The following HADH variants were observed in gnomAD, a reference collection of about 807,000 sequenced individuals.
HADH encodes hydroxyacyl-CoA dehydrogenase, also known as hydroxyacyl-coenzyme A dehydrogenase, mitochondrial.
Under a neutral mutation model 32.2 loss-of-function variants are expected in HADH, and 24 were observed. The ratio of observed to expected loss-of-function variants is 0.75; its 90% CI spans 0.54 to 1.05. HADH has a LOEUF of 1.05. HADH is among the 50% of genes least tolerant of loss of function. The probability of loss-of-function intolerance (pLI) is 0.00; values close to 1 mark genes in which losing one functional copy is unlikely to be tolerated. For missense variants in HADH, 350 were observed against 397.1 expected, an observed-to-expected ratio of 0.88 and a Z score of 1.01; for synonymous variants, 139 against 152.5, an observed-to-expected ratio of 0.91 and a Z score of 0.65.
At chr4:108,006,607 G>C (rs971723408) in intron 1 of HADH, among the ~76,000 whole-genome samples, 3 of 152,188 alleles carry the variant, frequency 2.0e-5, no homozygotes, top group Non-Finnish European at 4.4e-5. Context: ...CCTACCCAGA[G>C]TTTGATTCAT....
At position 108,009,700 on chromosome 4, in the gene HADH, T is replaced by C. The variant is rs982473715; in HGVS notation, c.133-59T>C. On this transcript the variant is annotated intron_variant, in intron 1 of 7. Coordinates refer to ENST00000309522, the MANE Select transcript of HADH (RefSeq NM_005327.7). Reference sequence around the variant, plus strand: ...CCACTGTTTTTTGGGGTGGGGTGTGTGCGCGTGCGTGTTATGTTTTCTTTC... The same window carrying C: ...CCACTGTTTTTTGGGGTGGGGTGTGCGCGCGTGCGTGTTATGTTTTCTTTC... 9 of 1,524,394 alleles carry C rather than the reference T, an allele frequency of 5.9e-6. No homozygotes were observed. The African/African-American group carries it at 1.1e-4, about 18-fold the overall frequency. The allele number at this position is 1,524,394 out of a possible 1,614,324, so 94.4% of individuals were successfully genotyped here.
At chr4:108,011,344 G>T (rs866303156) in intron 2 of HADH, among the ~76,000 whole-genome samples, 4 of 152,100 alleles carry the variant, frequency 2.6e-5, no homozygotes, top group Non-Finnish European at 4.4e-5. Context: ...CACATGGCTG[G>T]GAAGGCCTTA....
chr4:108,014,866 G>A (rs1375961091), intron 3 of HADH, among the ~76,000 whole-genome samples: 1 of 152,032 alleles, frequency 6.6e-6, no homozygotes, highest in East Asian at 1.9e-4. Context: ...CTGTTATTTA[G>A]CTATCACTTA....
At chr4:108,015,862 T>C (rs1253299482) in intron 3 of HADH, among the ~76,000 whole-genome samples, 1 of 152,060 alleles carries the variant, frequency 6.6e-6, no homozygotes, top group Non-Finnish European at 1.5e-5. Context: ...GTTAAGGACA[T>C]GTAGGGTACT....
At chr4:108,005,168 T>C (rs1578248376) in intron 1 of HADH, 1 of 298,932 alleles carries the variant, frequency 3.3e-6, no homozygotes, top group East Asian at 6.5e-5. Flanking sequence ...CTAGGGTCTT[T>C]GGGGATCTAA....
intron 1 of HADH, among the ~76,000 whole-genome samples, chr4:107,997,727 A>G (rs528104067): frequency 1.7e-4 from 26 of 152,236 alleles, no homozygotes; most frequent in African/African-American, 4.6e-4. Context: ...AATATAAAAC[A>G]TGAGTTCTCA....
Position 108,022,201 on chromosome 4 carries a change from A to ATGTG in HADH, c.547-1253_547-1250dup, listed in dbSNP as rs56746496. ...TGTGTGTGTGTGTATGTGTGTGTGT[A>ATGTG]TGTGTGTGTGTGTGTGTGTGTGTAT... is the stretch of plus-strand genomic sequence containing the variant. On this transcript the variant is annotated intron_variant, in intron 4 of 7. Coordinates refer to ENST00000309522, the MANE Select transcript of HADH (RefSeq NM_005327.7). Among the ~76,000 whole-genome samples, 427 of 139,738 alleles carry ATGTG rather than the reference A, an allele frequency of 3.1e-3. 5 individuals are homozygous for ATGTG. Among genetic ancestry groups the ATGTG allele is most frequent in the African/African-American group, 0.011 (391 of 36,710 alleles). The allele number at this position is 139,738 out of a possible 152,430, so 91.7% of individuals were successfully genotyped here.
At chr4:108,032,263 C>G (rs551323666) in intron 6 of HADH, 2 of 1,051,310 alleles carry the variant, frequency 1.9e-6, no homozygotes, top group African/African-American at 1.5e-5. Context: ...CCTCTTGGGG[C>G]CAAAGGACAT....
intron 1 of HADH, among the ~76,000 whole-genome samples, chr4:107,993,299 C>G (rs2126217482): frequency 6.6e-6 from 1 of 152,240 alleles, no homozygotes; most frequent in Non-Finnish European, 1.5e-5. Context: ...CATATACCCG[C>G]TGATGCTGCA....
intron 6 of HADH, chr4:108,029,230 G>A (rs193062860): frequency 1.8e-4 from 45 of 244,616 alleles, no homozygotes; most frequent in Admixed American, 1.6e-3. Context: ...CATGCCCACC[G>A]TGCCATCTCC....
In HADH at chr4:108,014,497, G is replaced by A. The variant is rs769511109; in HGVS notation, c.328G>A (p.Val110Ile). Residue 110 changes from valine (V) to isoleucine (I), a missense_variant, in exon 3 of 8, where the codon GTC (valine) becomes ATC (isoleucine). By Grantham distance (29) the Val-to-Ile change is conservative (BLOSUM62 3). Transcript: ENST00000309522. The stretch of plus-strand genomic sequence containing the variant: ...GACCAGCACGGATGCAGCCTCCGTT[G>A]TCCACAGCACAGACTTGGTGGTGGA... ...IATSTDAASVVHSTDLVVEAI... is the reference protein window; with the variant it reads ...IATSTDAASVIHSTDLVVEAI... 1.2e-6 allele frequency: 2 copies of A among 1,614,048 alleles called. No homozygotes were observed. The highest frequency in any genetic ancestry group is 1.1e-5 in the South Asian group (1 of 91,078).
chr4:108,014,102 C>T (rs993569123), intron 2 of HADH, among the ~76,000 whole-genome samples: 10 of 152,168 alleles, frequency 6.6e-5, no homozygotes, highest in South Asian at 2.1e-4. Flanking sequence ...TAGCTTGTTT[C>T]GGAAACAACA....
intron 1 of HADH, among the ~76,000 whole-genome samples, chr4:107,997,810 T>A (rs1292511374): frequency 6.6e-6 from 1 of 152,174 alleles, no homozygotes; most frequent in Non-Finnish European, 1.5e-5. Flanking sequence ...AAATAACAGA[T>A]GTCTATGAAA....
At chr4:108,018,377 C>T (rs141929427) in intron 3 of HADH, among the ~76,000 whole-genome samples, 1 of 151,966 alleles carries the variant, frequency 6.6e-6, no homozygotes, top group African/African-American at 2.4e-5. Context: ...TCCCCAATGA[C>T]CAAAAGCAAG....
intron 3 of HADH, 76 bp from the exon 4 acceptor site, chr4:108,019,464 G>T: frequency 3.0e-6 from 4 of 1,315,128 alleles, no homozygotes; most frequent in African/African-American, 1.4e-5. Context: ...GTCACCTTGT[G>T]CATTGCATCC....
intron 4 of HADH, among the ~76,000 whole-genome samples, chr4:108,021,061 TA>T (rs567533098): frequency 0.011 from 1,687 of 152,266 alleles, 32 homozygotes; most frequent in African/African-American, 0.039. Context: ...TCCTATCCCC[TA>T]AGGCTGATTT....
At chr4:108,030,193 A>G (rs986413803) in intron 6 of HADH, 1 of 152,246 alleles carries the variant, frequency 6.6e-6, no homozygotes, top group Non-Finnish European at 1.5e-5. Context: ...CCTTCTGGCC[A>G]ACCTCTGCCC....
At chr4:107,990,985 G>T (rs935139244) in intron 1 of HADH, among the ~76,000 whole-genome samples, 6 of 152,000 alleles carry the variant, frequency 3.9e-5, no homozygotes, top group African/African-American at 1.4e-4. Context: ...AAGGTGATCC[G>T]CCCGCCTGGC....
At chr4:108,019,322 GA>G (rs1462440878) in intron 3 of HADH, among the ~76,000 whole-genome samples, 2 of 152,132 alleles carry the variant, frequency 1.3e-5, no homozygotes, top group Non-Finnish European at 2.9e-5. Flanking sequence ...TTCGGAACAG[GA>G]AATTCCAATT....
Sources: allele counts gnomAD v4.1 joint callset (sites outside exome capture counted in the v4.1 genomes callset), GRCh38; gene constraint gnomAD v4.1.1; transcripts MANE v1.5; gene names NCBI Gene and HGNC (gene_info 2026-07-23, HGNC 2026-07-21).